Variants in IFT122 observed in about 807,000 individuals in gnomAD.
IFT122 encodes the protein intraflagellar transport 122.
Under a neutral mutation model 161.6 loss-of-function variants are expected in IFT122, and 118 were observed. The ratio of observed to expected loss-of-function variants is 0.73; its 90% CI spans 0.63 to 0.85. The LOEUF is 0.85. Ranked by LOEUF, IFT122 falls within the 40% of genes least tolerant of loss-of-function variation. IFT122 has a pLI of 0.00. For missense variants in IFT122, 1,381 were observed against 1,579.6 expected (o/e 0.87, Z 2.13); for synonymous variants, 550 against 602.4 (o/e 0.91, Z 1.27).
Position 129,507,676 on chromosome 3 carries a change from CAGA to C in IFT122, c.2803_2805del (p.Lys935del), listed in dbSNP as rs746556063. The C allele has an allele frequency of 6.2e-6, 10 of 1,613,882 alleles. No individual in the cohort carries two copies. Among genetic ancestry groups the C allele is most frequent in the African/African-American group, 2.7e-5 (2 of 74,936 alleles). On this transcript the variant is annotated inframe_deletion, in exon 23 of 30. Transcript: ENST00000348417. Reference sequence around the variant, plus strand: ...CCCGCTGCACACAGCAGATCCTGCCCAGAAGGACACAATGCTTGGCAAGTTCTA... The same window carrying C: ...CCCGCTGCACACAGCAGATCCTGCCCAGGACACAATGCTTGGCAAGTTCTA...
intron 1 of IFT122, among the ~76,000 whole-genome samples, chr3:129,441,590 G>T (rs956872920): frequency 6.6e-6 from 1 of 152,152 alleles, no homozygotes; most frequent in Non-Finnish European, 1.5e-5. Flanking sequence ...CAACGTCAAC[G>T]CTCTCAGCCA....
At chr3:129,517,874 CTCTG>C (rs1560030512) in intron 27 of IFT122, among the ~76,000 whole-genome samples, 3 of 152,230 alleles carry the variant, frequency 2.0e-5, no homozygotes, top group Non-Finnish European at 2.9e-5. Flanking sequence ...CTGGCTGTGC[CTCTG>C]TCTGTGCATA....
At chr3:129,513,111 A>C (rs1424413893) in intron 24 of IFT122, 1 of 155,252 alleles carries the variant, frequency 6.4e-6, no homozygotes, top group East Asian at 1.9e-4. Context: ...GCAGGACCCA[A>C]GGCCTGAGAG....
chr3:129,505,412 T>C (rs1236655427), intron 21 of IFT122, among the ~76,000 whole-genome samples: 1 of 152,218 alleles, frequency 6.6e-6, no homozygotes, highest in South Asian at 2.1e-4. Context: ...AAAGCCCTCA[T>C]TGAAGGTTAG....
Position 129,461,342 on chromosome 3 carries a change from T to G in IFT122, c.349+38T>G, listed in dbSNP as rs767335030. Reference sequence around the variant, plus strand: ...TCCTGATGTCCTGTCCTGGAATAACTGAAAATCTGGGCTAAAAATGCTAAA... The same window carrying G: ...TCCTGATGTCCTGTCCTGGAATAACGGAAAATCTGGGCTAAAAATGCTAAA... On this transcript the variant is annotated intron_variant, in intron 5 of 29. Transcript: ENST00000348417. 14 of 1,505,460 alleles carry G rather than the reference T, an allele frequency of 9.3e-6. No homozygotes were observed. The South Asian group carries it at 1.6e-4, about 17-fold the overall frequency. The allele number at this position is 1,505,460 out of a possible 1,614,324, so 93.3% of individuals were successfully genotyped here.
Position 129,491,553 on chromosome 3 carries a change from G to T in IFT122, c.1993-588G>T, listed in dbSNP as rs369482965. Among the ~76,000 whole-genome samples, 29 of 152,292 alleles carry T rather than the reference G, an allele frequency of 1.9e-4. 1 individual carries two copies. The South Asian group carries it at 6.0e-3, about 32-fold the overall frequency. ...ATTTTAGGGTTTACATAAAGAGTTT[G>T]CCTTCCACAGACTTGGTGGGATTCA... On this transcript the variant is annotated intron_variant, in intron 16 of 29. Transcript: ENST00000348417.
At chr3:129,463,249 C>G in intron 5 of IFT122, 2 of 320,914 alleles carry the variant, frequency 6.2e-6, no homozygotes, top group South Asian at 3.0e-5. Context: ...TGTAGATTGC[C>G]ATCAGCGTGA....
At chr3:129,512,828 G>A in intron 24 of IFT122, 1 of 249,530 alleles carries the variant, frequency 4.0e-6, no homozygotes, top group South Asian at 5.0e-5. Context: ...CCCTGGGCCA[G>A]GCACCAGGTG....
intron 1 of IFT122, among the ~76,000 whole-genome samples, chr3:129,446,415 C>T (rs1244665526): frequency 6.7e-6 from 1 of 150,028 alleles, no homozygotes; most frequent in Non-Finnish European, 1.5e-5. Context: ...CGGGGTTTCA[C>T]CGTGTTAGCC....
At chr3:129,459,925 T>A (rs564533351) in intron 4 of IFT122, among the ~76,000 whole-genome samples, 2 of 151,976 alleles carry the variant, frequency 1.3e-5, no homozygotes, top group East Asian at 1.9e-4. Flanking sequence ...GGCCAATTTT[T>A]AAATTTTTTT....
Position 129,519,694 on chromosome 3 carries a change from C to T in IFT122, c.3598C>T (p.Pro1200Ser), listed in dbSNP as rs1243237772. The change falls in exon 29 of 30, where the codon CCT (proline) becomes TCT (serine). Residue 1200 changes from proline to serine, a missense_variant. Transcript: ENST00000348417. ...LRWQYFRSLLPDASITMCPSC... is the reference protein window; with the variant it reads ...LRWQYFRSLLSDASITMCPSC... ...GTGGCAATACTTCCGCTCACTGCTG[C>T]CTGACGCCTCCATTACCATGTGCCC... 2 of 1,613,662 alleles carry T rather than the reference C, an allele frequency of 1.2e-6. No homozygotes were observed. The highest frequency in any genetic ancestry group is 2.2e-5 in the East Asian group (1 of 44,886).
intron 22 of IFT122, 37 bp downstream of exon 22, chr3:129,506,586 C>T: frequency 6.2e-7 from 1 of 1,613,814 alleles, no homozygotes; most frequent in Non-Finnish European, 8.5e-7. Flanking sequence ...TTTTCCCAAG[C>T]CCCACTCTGA....
At position 129,476,826 on chromosome 3, in the gene IFT122, G is replaced by A. The variant is rs773102091; in HGVS notation, c.1147+25G>A. The A allele has an allele frequency of 4.3e-6, 7 of 1,613,822 alleles. No homozygotes were observed. In the East Asian group the frequency reaches 1.6e-4, roughly 36 times the overall value. On this transcript the variant is annotated intron_variant, in intron 11 of 29. Coordinates refer to ENST00000348417, the MANE Select transcript of IFT122 (RefSeq NM_052989.3). ...GGTAAGAGGCAGGTCCAGACCTTGGGAAGAGGGACAGGTGGAAGCAGGTGG... is the reference window on the plus strand; with the variant it reads ...GGTAAGAGGCAGGTCCAGACCTTGGAAAGAGGGACAGGTGGAAGCAGGTGG...
At chr3:129,448,209 A>G (rs2074275777) in intron 1 of IFT122, among the ~76,000 whole-genome samples, 1 of 152,230 alleles carries the variant, frequency 6.6e-6, no homozygotes, top group Non-Finnish European at 1.5e-5. Flanking sequence ...CTCAACAGCA[A>G]TGGAAAACTA....
chr3:129,517,727 G>A (rs2084167513), intron 27 of IFT122, 133 bp downstream of exon 27: 3 of 1,227,034 alleles, frequency 2.4e-6, no homozygotes, highest in African/African-American at 1.5e-5. Context: ...CAGAGAGATT[G>A]GAGAGGCCCA....
chr3:129,449,138 C>A (rs1423826183), intron 1 of IFT122, among the ~76,000 whole-genome samples: 1 of 152,152 alleles, frequency 6.6e-6, no homozygotes, highest in Non-Finnish European at 1.5e-5. Flanking sequence ...TAAATAATTT[C>A]TTTCTAGCTC....
At chr3:129,483,991 A>G in intron 15 of IFT122, 1 of 416,418 alleles carries the variant, frequency 2.4e-6, no homozygotes, top group South Asian at 2.1e-5. Flanking sequence ...GTGGGGCCGA[A>G]TGGAGTGAGC....
chr3:129,509,704 C>G (rs781098526), intron 23 of IFT122, among the ~76,000 whole-genome samples: 48 of 152,184 alleles, frequency 3.2e-4, no homozygotes, highest in Non-Finnish European at 5.9e-4. Context: ...TATCAAACAG[C>G]AAATTCCAGA....
rs187580751 is a variant in IFT122, at chr3:129,467,016, A to G, written c.690A>G (p.Ala230=). Reference sequence around the variant, plus strand: ...TGTACAGTAGTCAGGGTAGTGAGGCAGAGGAGGAAGAACCAGAGGAAGAGG... The same window carrying G: ...TGTACAGTAGTCAGGGTAGTGAGGCGGAGGAGGAAGAACCAGAGGAAGAGG... ...SAVYSSQGSE[A]EEEEPEEEDD... is the part of the protein sequence containing the mutation. Residue 230 remains alanine (A), a synonymous_variant, in exon 8 of 30, where the codon GCA becomes GCG. Coordinates refer to ENST00000348417, the MANE Select transcript of IFT122 (RefSeq NM_052989.3). 91 of 1,614,228 alleles carry G rather than the reference A, an allele frequency of 5.6e-5. No homozygotes were observed. Among genetic ancestry groups the G allele is most frequent in the Non-Finnish European group, 7.4e-5 (87 of 1,180,040 alleles).
Sources: allele counts gnomAD v4.1 joint callset (sites outside exome capture counted in the v4.1 genomes callset), GRCh38; gene constraint gnomAD v4.1.1; transcripts MANE v1.5; gene names NCBI Gene and HGNC (gene_info 2026-07-23, HGNC 2026-07-21).